RBMS3: variants seen among roughly 807,000 people sequenced by gnomAD.
RBMS3 encodes RNA binding motif single stranded interacting protein 3.
A neutral mutation model predicts 66.8 loss-of-function variants in RBMS3; 27 were observed. The observed-to-expected ratio is 0.40, with a 90% CI of 0.30 to 0.56. The LOEUF (loss-of-function observed/expected upper bound fraction) is 0.56. Ranked by LOEUF, RBMS3 falls within the 20% of genes least tolerant of loss-of-function variation. The probability of loss-of-function intolerance (pLI) is 0.40; values close to 1 mark genes in which losing one functional copy is unlikely to be tolerated. For missense variants in RBMS3, 513 were observed against 549.5 expected (o/e 0.93, Z 0.66); for synonymous variants, 188 against 183.0 (o/e 1.03, Z -0.22).
At chr3:29,900,737 G>C (rs2149609351) in intron 10 of RBMS3, among the ~76,000 whole-genome samples, 1 of 151,808 alleles carries the variant, frequency 6.6e-6, no homozygotes, top group African/African-American at 2.4e-5. Context: ...ACATGTAAAA[G>C]ACAATGTAAA....
chr3:29,526,878 C>T (rs1348193819), intron 3 of RBMS3, among the ~76,000 whole-genome samples: 5 of 85,578 alleles, frequency 5.8e-5, no homozygotes, highest in African/African-American at 2.0e-4. Context: ...CTTACTCTTC[C>T]CTCACCCCTC....
chr3:29,349,194 C>T (rs755875232), intron 1 of RBMS3, among the ~76,000 whole-genome samples: 2 of 150,874 alleles, frequency 1.3e-5, no homozygotes, highest in African/African-American at 2.4e-5. Context: ...CCCTTTGCAC[C>T]CCGTGGAGAT....
chr3:29,955,362 G>T (rs570164640), intron 12 of RBMS3, among the ~76,000 whole-genome samples: 7 of 151,986 alleles, frequency 4.6e-5, no homozygotes, highest in Non-Finnish European at 1.0e-4. Flanking sequence ...CAGCAGCAAA[G>T]AAAGCTACAT....
intron 3 of RBMS3, among the ~76,000 whole-genome samples, chr3:29,575,260 G>A (rs905902866): frequency 1.7e-4 from 25 of 151,402 alleles, no homozygotes; most frequent in African/African-American, 4.8e-4. Flanking sequence ...TATCTTTGTC[G>A]GATATACTAT....
chr3:29,380,583 A>T (rs1285152078), intron 1 of RBMS3, among the ~76,000 whole-genome samples: 1 of 152,206 alleles, frequency 6.6e-6, no homozygotes, highest in Non-Finnish European at 1.5e-5. Context: ...CATTTCATAG[A>T]TAACGAAACT....
intron 8 of RBMS3, among the ~76,000 whole-genome samples, chr3:29,888,993 T>G (rs2059937555): frequency 6.6e-6 from 1 of 151,726 alleles, no homozygotes; most frequent in Non-Finnish European, 1.5e-5. Flanking sequence ...TTTTGAATAA[T>G]TTTTAAGCAA....
chr3:29,730,294 T>A (rs1197638658), intron 4 of RBMS3, among the ~76,000 whole-genome samples: 1 of 117,612 alleles, frequency 8.5e-6, no homozygotes, highest in Non-Finnish European at 1.7e-5. Context: ...TCATCATTTG[T>A]GCTGTGTTCT....
chr3:29,928,207 T>C (rs566191257), intron 10 of RBMS3, among the ~76,000 whole-genome samples: 5,539 of 111,980 alleles, frequency 0.049, 277 homozygotes, highest in African/African-American at 0.15. Flanking sequence ...TATATATATA[T>C]ATATACACAC....
At chr3:29,422,349 C>T (rs1462045310) in intron 1 of RBMS3, among the ~76,000 whole-genome samples, 1 of 142,010 alleles carries the variant, frequency 7.0e-6, no homozygotes, top group Non-Finnish European at 1.5e-5. Flanking sequence ...GCAGAACTGT[C>T]TTATTACTAG....
At chr3:29,971,189 T>G (rs1439512678) in intron 12 of RBMS3, among the ~76,000 whole-genome samples, 1 of 152,148 alleles carries the variant, frequency 6.6e-6, no homozygotes, top group Non-Finnish European at 1.5e-5. Flanking sequence ...CCTGGCCCAC[T>G]ACTCATCTCT....
chr3:29,917,659 G>C (rs2060672955), intron 10 of RBMS3, among the ~76,000 whole-genome samples: 1 of 152,016 alleles, frequency 6.6e-6, no homozygotes, highest in South Asian at 2.1e-4. Flanking sequence ...GAGGGTCATG[G>C]GAGGCAGAAA....
intron 1 of RBMS3, among the ~76,000 whole-genome samples, chr3:29,363,570 C>CAGTA (rs1222064723): frequency 6.6e-6 from 1 of 152,122 alleles, no homozygotes; most frequent in Non-Finnish European, 1.5e-5. Context: ...GGGTGGATCA[C>CAGTA]CTGAGATCAG....
intron 3 of RBMS3, among the ~76,000 whole-genome samples, chr3:29,491,849 C>T (rs369661461): frequency 2.6e-5 from 4 of 152,182 alleles, no homozygotes; most frequent in East Asian, 1.9e-4. Flanking sequence ...AAAAATTAGC[C>T]GGGCGTGGTG....
intron 1 of RBMS3, among the ~76,000 whole-genome samples, chr3:29,318,338 T>C (rs1294694082): frequency 2.0e-5 from 3 of 151,874 alleles, no homozygotes; most frequent in African/African-American, 7.2e-5. Context: ...GGGTGTCAGT[T>C]GCAAGACAAA....
At chr3:29,289,148 T>C (rs1401010683) in intron 1 of RBMS3, among the ~76,000 whole-genome samples, 1 of 151,944 alleles carries the variant, frequency 6.6e-6, no homozygotes. Flanking sequence ...TATCAGTCTG[T>C]GTGTTCATTT....
At chr3:29,494,625 CT>C (rs1340223074) in intron 3 of RBMS3, among the ~76,000 whole-genome samples, 2 of 152,136 alleles carry the variant, frequency 1.3e-5, no homozygotes, top group Non-Finnish European at 2.9e-5. Context: ...GCTTGTTTGG[CT>C]TTTGTTTTCC....
intron 12 of RBMS3, among the ~76,000 whole-genome samples, chr3:29,954,308 C>A (rs1695880732): frequency 6.6e-6 from 1 of 151,770 alleles, no homozygotes. Context: ...CCTAGATATC[C>A]CCTATCCACT....
chr3:29,733,199 G>C (rs1252207467), intron 4 of RBMS3, among the ~76,000 whole-genome samples: 1 of 151,826 alleles, frequency 6.6e-6, no homozygotes, highest in East Asian at 1.9e-4. Context: ...CCTCTTCAGG[G>C]TATTTCTAAA....
intron 4 of RBMS3, among the ~76,000 whole-genome samples, chr3:29,700,115 A>G (rs111464843): frequency 1.6e-4 from 25 of 152,348 alleles, no homozygotes; most frequent in African/African-American, 5.3e-4. Flanking sequence ...AAATAAAGTC[A>G]CAATACTGGA....
Sources: allele counts gnomAD v4.1 joint callset (sites outside exome capture counted in the v4.1 genomes callset), GRCh38; gene constraint gnomAD v4.1.1; transcripts MANE v1.5; gene names NCBI Gene and HGNC (gene_info 2026-07-23, HGNC 2026-07-21).